GPATCH1: variants seen among roughly 807,000 people sequenced by gnomAD.
GPATCH1 encodes G-patch domain containing 1, also known as G patch domain-containing protein 1.
A neutral mutation model predicts 114.9 loss-of-function variants in GPATCH1; 73 were observed. The ratio of observed to expected loss-of-function variants is 0.64; its 90% CI spans 0.53 to 0.77. The LOEUF is 0.77. Among genes scored for constraint, GPATCH1 ranks in the 30% least tolerant of loss-of-function variants. The pLI, the probability that GPATCH1 is intolerant of heterozygous loss-of-function variation, is 0.00. For synonymous variants in GPATCH1, 391 were observed against 428.4 expected (o/e 0.91, Z 1.08); for missense variants, 1,058 against 1,144.3 (o/e 0.92, Z 1.09).
intron 1 of GPATCH1, among the ~76,000 whole-genome samples, chr19:33,082,806 CT>C (rs1337465916): frequency 6.6e-6 from 1 of 151,906 alleles, no homozygotes; most frequent in East Asian, 1.9e-4. Flanking sequence ...ATCCCAAGTT[CT>C]TTTTTTATAG....
rs35859593 is a variant in GPATCH1 at position 33,118,176 on chromosome 19, ATTTTTTT to A, written c.2413+148_2413+154del. On this transcript the variant is annotated intron_variant, in intron 16 of 19. Transcript: ENST00000170564. ...ATATGTAATCTTTTATATGTATATAATTTTTTTTTTTTTTTTTTTGGAAACAGGATCT... is the reference window on the plus strand; with the variant it reads ...ATATGTAATCTTTTATATGTATATAATTTTTTTTTTTTGGAAACAGGATCT... 251 of 277,644 alleles carry A rather than the reference ATTTTTTT, an allele frequency of 9.0e-4. 3 individuals carry two copies. The highest frequency in any genetic ancestry group is 6.2e-4 in the Non-Finnish European group (100 of 162,432). The allele number at this position is 277,644 out of a possible 1,614,324, so 17.2% of individuals were successfully genotyped here.
In GPATCH1 at chr19:33,130,248, T is replaced by A. The variant is rs1361444780; in HGVS notation, c.*88T>A. The A allele has an allele frequency of 3.8e-6, 3 of 790,642 alleles. No individual in the cohort carries two copies. The African/African-American group carries it at 5.3e-5, about 14-fold the overall frequency. 49.0% of individuals were successfully genotyped at this position (790,642 alleles called of 1,614,324 possible). On this transcript the variant is annotated 3_prime_UTR_variant, in exon 20 of 20. Coordinates refer to ENST00000170564, the MANE Select transcript of GPATCH1 (RefSeq NM_018025.3). ...TTCAGTTAACGCATTGTACAGAGTG[T>A]ATTTATATGTAAATTCCTGCTGTAA...
chr19:33,118,917 C>T, intron 16 of GPATCH1, 93 bp from the exon 17 acceptor site: 1 of 706,624 alleles, frequency 1.4e-6, no homozygotes. Context: ...TGTGGGCAAG[C>T]ATATGTTATC....
At chr19:33,116,459 A>G (rs1972916824) in intron 15 of GPATCH1, among the ~76,000 whole-genome samples, 1 of 152,170 alleles carries the variant, frequency 6.6e-6, no homozygotes, top group South Asian at 2.1e-4. Flanking sequence ...AGAATGTCTT[A>G]TATTTTGTCT....
rs780017018 is a variant in GPATCH1, at chr19:33,118,083, A to C, written c.2413+42A>C. The C allele has an allele frequency of 3.7e-6, 5 of 1,351,456 alleles. No homozygotes were observed. The South Asian group carries it at 5.9e-5, about 16-fold the overall frequency. The allele number at this position is 1,351,456 out of a possible 1,614,324, so 83.7% of individuals were successfully genotyped here. A position where few individuals can be genotyped will look rare whatever the true frequency, so the allele number is the denominator to read the frequency against. On this transcript the variant is annotated intron_variant, in intron 16 of 19. Transcript: ENST00000170564. Reference sequence around the variant, plus strand: ...GACTCGGGGATCTAAAGGAGAAGACAATGACTCTAGGACAGCTGCTTCTCT... The same window carrying C: ...GACTCGGGGATCTAAAGGAGAAGACCATGACTCTAGGACAGCTGCTTCTCT...
chr19:33,096,166 C>A (rs1162018617), intron 6 of GPATCH1, 41 bp from the exon 7 acceptor site: 1 of 1,596,952 alleles, frequency 6.3e-7, no homozygotes, highest in Non-Finnish European at 8.5e-7. Flanking sequence ...TACTTTGCAT[C>A]CTTCAGTGAC....
chr19:33,083,212 C>T (rs1972498353), intron 1 of GPATCH1, among the ~76,000 whole-genome samples: 1 of 141,990 alleles, frequency 7.0e-6, no homozygotes, highest in African/African-American at 2.7e-5. Context: ...CCACTGCACT[C>T]CAGCCTGGGC....
chr19:33,089,635 TC>T (rs397859400), intron 2 of GPATCH1, among the ~76,000 whole-genome samples: 8 of 151,690 alleles, frequency 5.3e-5, no homozygotes, highest in African/African-American at 1.9e-4. Flanking sequence ...TTTTTTTTTT[TC>T]CTGAGATGTA....
chr19:33,124,528 T>G (rs1020453224), intron 17 of GPATCH1, among the ~76,000 whole-genome samples: 3 of 152,134 alleles, frequency 2.0e-5, no homozygotes, highest in African/African-American at 7.2e-5. Context: ...TAAGACAAAT[T>G]CTTATAAAAT....
At chr19:33,097,712 A>G (rs2145312897) in intron 7 of GPATCH1, 43 bp from the exon 8 acceptor site, 6 of 1,587,994 alleles carry the variant, frequency 3.8e-6, no homozygotes, top group Non-Finnish European at 5.2e-6. Context: ...TCCCAGACAT[A>G]CCCTAACACC....
chr19:33,103,889 G>A (rs984536502), intron 9 of GPATCH1, among the ~76,000 whole-genome samples: 4 of 152,034 alleles, frequency 2.6e-5, no homozygotes, highest in Admixed American at 6.6e-5. Flanking sequence ...GGTTCCTGGC[G>A]CTTCTCTGGA....
intron 8 of GPATCH1, among the ~76,000 whole-genome samples, chr19:33,099,005 A>G (rs1023909089): frequency 2.6e-4 from 39 of 150,304 alleles, no homozygotes; most frequent in Admixed American, 2.2e-3. Flanking sequence ...CTGTCCCCAA[A>G]CTATGGATTA....
intron 1 of GPATCH1, among the ~76,000 whole-genome samples, chr19:33,087,663 G>A (rs1265654127): frequency 6.6e-6 from 1 of 151,784 alleles, no homozygotes; most frequent in East Asian, 1.9e-4. Context: ...TTCATCTGTC[G>A]GAACTCTCCT....
At chr19:33,118,979 CGAAT>C in intron 16 of GPATCH1, 27 bp from the exon 17 acceptor site, 2 of 1,340,780 alleles carry the variant, frequency 1.5e-6, no homozygotes, top group East Asian at 4.6e-5. Context: ...ATGGGGCAGA[CGAAT>C]GACATGAACA....
chr19:33,099,316 C>T (rs1209402725), intron 8 of GPATCH1, among the ~76,000 whole-genome samples: 1 of 151,364 alleles, frequency 6.6e-6, no homozygotes, highest in African/African-American at 2.4e-5. Flanking sequence ...ATATATCAAT[C>T]CTTTAATAAT....
At position 33,125,111 on chromosome 19, in the gene GPATCH1, G is replaced by A. The variant is rs201671494; in HGVS notation, c.2528G>A (p.Arg843His). ...TATTACCTTTGTGTTTCAGATGCTC[G>A]TCAGACACTTGAGGTTCCTCAAAAA... is the stretch of plus-strand genomic sequence containing the variant. ...RLPPVFCPNA[R>H]QTLEVPQKEK... Residue 843 changes from arginine (R) to histidine (H), a missense_variant, in exon 18 of 20, where the codon CGT becomes CAT. By Grantham distance (29) the Arg-to-His change is conservative. Transcript: ENST00000170564. 5.8e-5 allele frequency: 92 copies of A among 1,597,674 alleles called. No homozygotes were observed. The highest frequency in any genetic ancestry group is 7.3e-5 in the Non-Finnish European group (86 of 1,172,018).
chr19:33,129,507 A>AG (rs1973079662), intron 19 of GPATCH1, among the ~76,000 whole-genome samples: 1 of 152,140 alleles, frequency 6.6e-6, no homozygotes, highest in Non-Finnish European at 1.5e-5. Context: ...CGGATGCGGT[A>AG]GGTGAGTGAA....
intron 16 of GPATCH1, 135 bp downstream of exon 16, chr19:33,118,176 ATTTT>A (rs35859593): frequency 6.6e-4 from 182 of 277,184 alleles, no homozygotes; most frequent in Middle Eastern, 1.1e-3. Context: ...TATGTATATA[ATTTT>A]TTTTTTTTTT....
rs1361444780 is a variant in GPATCH1, at chr19:33,130,248, T to C, written c.*88T>C. On this transcript the variant is annotated 3_prime_UTR_variant, in exon 20 of 20. Coordinates refer to ENST00000170564, the MANE Select transcript of GPATCH1 (RefSeq NM_018025.3). ...TTCAGTTAACGCATTGTACAGAGTGTATTTATATGTAAATTCCTGCTGTAA... is the reference window on the plus strand; with the variant it reads ...TTCAGTTAACGCATTGTACAGAGTGCATTTATATGTAAATTCCTGCTGTAA... The C allele has an allele frequency of 1.3e-6, 1 of 790,642 alleles. No homozygotes were observed. Among genetic ancestry groups the C allele is most frequent in the Non-Finnish European group, 2.1e-6 (1 of 485,616 alleles). The allele number at this position is 790,642 out of a possible 1,614,324, so 49.0% of individuals were successfully genotyped here.
Sources: gnomAD v4.1 joint callset for allele counts (sites outside exome capture counted in the v4.1 genomes callset) on GRCh38, gnomAD v4.1.1 for gene constraint, MANE v1.5 for transcripts, NCBI Gene and HGNC (gene_info 2026-07-23, HGNC 2026-07-21) for gene names.